Variants in PRKG1 observed in about 807,000 individuals in gnomAD.
The protein encoded by PRKG1 is protein kinase cGMP-dependent 1, also known as cGMP-dependent protein kinase 1.
In PRKG1, 35 loss-of-function variants were observed where a neutral mutation model predicts 88.1. The ratio of observed to expected loss-of-function variants is 0.40; its 90% CI spans 0.30 to 0.53. The LOEUF is 0.53. Among genes scored for constraint, PRKG1 ranks in the 20% least tolerant of loss-of-function variants. The pLI, the probability that PRKG1 is intolerant of heterozygous loss-of-function variation, is 0.59. For synonymous variants in PRKG1, 303 were observed against 292.5 expected (o/e 1.04, Z -0.37); for missense variants, 540 against 839.8 (o/e 0.64, Z 4.41).
At chr10:51,390,173 G>A (rs993744545) in intron 2 of PRKG1, among the ~76,000 whole-genome samples, 2 of 152,172 alleles carry the variant, frequency 1.3e-5, no homozygotes, top group African/African-American at 4.8e-5. Flanking sequence ...CACATCCAAA[G>A]TGCAAAACTC....
At chr10:51,589,715 T>C (rs549780525) in intron 3 of PRKG1, among the ~76,000 whole-genome samples, 3 of 152,366 alleles carry the variant, frequency 2.0e-5, no homozygotes, top group African/African-American at 7.2e-5. Flanking sequence ...ACCTTCACTT[T>C]CATTTTCCTT....
At chr10:52,085,537 C>T (rs1846890174) in intron 7 of PRKG1, among the ~76,000 whole-genome samples, 1 of 151,862 alleles carries the variant, frequency 6.6e-6, no homozygotes, top group African/African-American at 2.4e-5. Context: ...ATGCCCACAT[C>T]ATTTTTTTTC....
chr10:51,219,720 T>A lies in PRKG1; in HGVS notation c.478+66390T>A, dbSNP rs1046446887. 4.6e-5 allele frequency among the ~76,000 whole-genome samples: 7 copies of A among 151,020 alleles called. No individual in the cohort carries two copies. In the East Asian group the frequency reaches 5.9e-4, roughly 13 times the overall value. On this transcript the variant is annotated intron_variant, in intron 2 of 17. Transcript: ENST00000373980. Reference sequence around the variant, plus strand: ...GCGAGACTCCATCTCAAAAAAAAAATAATAATAAAATTTAAAAAAAAGGCA... The same window carrying A: ...GCGAGACTCCATCTCAAAAAAAAAAAAATAATAAAATTTAAAAAAAAGGCA...
chr10:52,185,331 G>T (rs889812700), intron 9 of PRKG1, among the ~76,000 whole-genome samples: 1 of 152,166 alleles, frequency 6.6e-6, no homozygotes, highest in African/African-American at 2.4e-5. Context: ...ATCCAAAATA[G>T]TCTCCTTGGA....
chr10:51,028,313 A>G (rs1843235846), intron 1 of PRKG1, among the ~76,000 whole-genome samples: 1 of 152,210 alleles, frequency 6.6e-6, no homozygotes, highest in African/African-American at 2.4e-5. Flanking sequence ...ATCAGAAAGC[A>G]TAAAATGACT....
At chr10:51,608,396 CA>C (rs1185906817) in intron 3 of PRKG1, among the ~76,000 whole-genome samples, 1 of 152,026 alleles carries the variant, frequency 6.6e-6, no homozygotes, top group Non-Finnish European at 1.5e-5. Context: ...TCAAAGAGTG[CA>C]ATTTGAAGTC....
chr10:51,644,527 T>G (rs1170405568), intron 3 of PRKG1, among the ~76,000 whole-genome samples: 1 of 152,212 alleles, frequency 6.6e-6, no homozygotes, highest in Non-Finnish European at 1.5e-5. Flanking sequence ...TTGTTCCAAC[T>G]TAGACCAGTG....
chr10:52,265,846 A>C (rs1396989446), intron 10 of PRKG1, among the ~76,000 whole-genome samples: 3 of 152,108 alleles, frequency 2.0e-5, no homozygotes, highest in Non-Finnish European at 4.4e-5. Context: ...ACATTCATTC[A>C]AATGTCAATA....
At chr10:52,065,566 T>A (rs189794392) in intron 7 of PRKG1, among the ~76,000 whole-genome samples, 23 of 152,244 alleles carry the variant, frequency 1.5e-4, no homozygotes, top group Admixed American at 1.5e-3. Flanking sequence ...ATAAATCATC[T>A]TACTCAGGCT....
chr10:51,831,111 C>T (rs1839996662), intron 4 of PRKG1, among the ~76,000 whole-genome samples: 1 of 152,070 alleles, frequency 6.6e-6, no homozygotes, highest in African/African-American at 2.4e-5. Flanking sequence ...TTAGTGACAA[C>T]TTTGATATGT....
intron 2 of PRKG1, among the ~76,000 whole-genome samples, chr10:51,264,424 A>C (rs1184851922): frequency 2.0e-5 from 3 of 152,226 alleles, no homozygotes; most frequent in Non-Finnish European, 4.4e-5. Context: ...CCTATTTCAA[A>C]GTATGTCAAA....
At chr10:52,192,291 A>G (rs1839385699) in intron 9 of PRKG1, among the ~76,000 whole-genome samples, 1 of 152,158 alleles carries the variant, frequency 6.6e-6, no homozygotes, top group South Asian at 2.1e-4. Context: ...TGGACCTAAG[A>G]TCAGCCATTT....
In PRKG1 at chr10:51,869,061, T is replaced by C. The variant is rs182838742; in HGVS notation, c.699-38446T>C. On this transcript the variant is annotated intron_variant, in intron 4 of 17. Transcript: ENST00000373980. ...GTCTTTTTCTTTTACGGACTGATTG[T>C]TTTCAAATTCTTTCAAACTAAATCT... 9.8e-5 allele frequency among the ~76,000 whole-genome samples: 15 copies of C among 152,336 alleles called. No individual in the cohort carries two copies. The East Asian group carries it at 2.5e-3, about 25-fold the overall frequency.
At chr10:52,161,993 G>T in intron 9 of PRKG1, 30 bp downstream of exon 9, 1 of 1,574,026 alleles carries the variant, frequency 6.4e-7, no homozygotes, top group South Asian at 1.1e-5. Flanking sequence ...AATTTTGATT[G>T]CAAAATGATT....
At chr10:51,819,862 T>C (rs148384208) in intron 4 of PRKG1, among the ~76,000 whole-genome samples, 36 of 152,222 alleles carry the variant, frequency 2.4e-4, no homozygotes, top group African/African-American at 8.4e-4. Context: ...GACCTTGATA[T>C]ACCCAGAAAA....
intron 9 of PRKG1, among the ~76,000 whole-genome samples, chr10:52,218,133 A>G (rs1840156539): frequency 6.7e-6 from 1 of 149,912 alleles, no homozygotes; most frequent in Non-Finnish European, 1.5e-5. Context: ...AATCACCTGA[A>G]CCTGGGAGGC....
intron 7 of PRKG1, among the ~76,000 whole-genome samples, chr10:52,104,069 A>G (rs1847359613): frequency 6.7e-6 from 1 of 149,504 alleles, no homozygotes; most frequent in Admixed American, 6.7e-5. Context: ...GCTTAGAATT[A>G]ATTACATTTA....
At chr10:51,897,225 T>C (rs1362418059) in intron 4 of PRKG1, among the ~76,000 whole-genome samples, 1 of 152,214 alleles carries the variant, frequency 6.6e-6, no homozygotes, top group Non-Finnish European at 1.5e-5. Context: ...TTCATCAATA[T>C]GGATTGATTT....
chr10:51,862,889 G>C (rs1281759662), intron 4 of PRKG1, among the ~76,000 whole-genome samples: 1 of 152,150 alleles, frequency 6.6e-6, no homozygotes, highest in Non-Finnish European at 1.5e-5. Context: ...CCTGGCCTAT[G>C]TAAGTGCTCA....
Sources: allele counts gnomAD v4.1 joint callset (sites outside exome capture counted in the v4.1 genomes callset), GRCh38; gene constraint gnomAD v4.1.1; transcripts MANE v1.5; gene names NCBI Gene and HGNC (gene_info 2026-07-23, HGNC 2026-07-21).